PIK3C2A: variants seen among roughly 807,000 people sequenced by gnomAD.
The protein encoded by PIK3C2A is phosphatidylinositol 4-phosphate 3-kinase C2 domain-containing subunit alpha.
In PIK3C2A, 97 loss-of-function variants were observed where a neutral mutation model predicts 204.5. That is an observed-to-expected ratio of 0.47 (90% CI 0.40 to 0.56). The LOEUF is 0.56. Ranked by LOEUF, PIK3C2A falls within the 20% of genes least tolerant of loss-of-function variation. The pLI, the probability that PIK3C2A is intolerant of heterozygous loss-of-function variation, is 0.00. For missense variants in PIK3C2A, 1,735 were observed against 1,969.2 expected (o/e 0.88, Z 2.25); for synonymous variants, 653 against 664.4 (o/e 0.98, Z 0.26).
Position 17,203,332 on chromosome 11 carries a change from GA to G in PIK3C2A, c.-66+4515del, listed in dbSNP as rs994667542. On this transcript the variant is annotated intron_variant, in intron 1 of 32. Coordinates refer to ENST00000691414, the MANE Select transcript of PIK3C2A (RefSeq NM_002645.4). The stretch of plus-strand genomic sequence containing the variant: ...ACATAGTGAGACACCATCTCTATTA[GA>G]AAAAAAAAAGAAGAAAGAAAAAAAG... Among the ~76,000 whole-genome samples the G allele has an allele frequency of 2.6e-3, 334 of 127,036 alleles. 1 individual carries two copies. Among genetic ancestry groups the G allele is most frequent in the African/African-American group, 9.1e-3 (313 of 34,252 alleles). 83.3% of individuals were successfully genotyped at this position (127,036 alleles called of 152,430 possible).
In PIK3C2A at chr11:17,126,057, G is replaced by T. The variant is rs574941192; in HGVS notation, c.2399+3243C>A. ...GAGAATCACTTGAACCTAGGAGGCA[G>T]AGGTTGCAGTGAGCCAAGATCATGC... is the stretch of plus-strand genomic sequence containing the variant. On this transcript the variant is annotated intron_variant, in intron 13 of 32. Transcript: ENST00000691414. 2.0e-5 allele frequency among the ~76,000 whole-genome samples: 3 copies of T among 152,226 alleles called. No homozygotes were observed. The East Asian group carries it at 5.8e-4, about 30-fold the overall frequency.
At chr11:17,107,036 A>G (rs1848843690) in intron 22 of PIK3C2A, among the ~76,000 whole-genome samples, 1 of 152,086 alleles carries the variant, frequency 6.6e-6, no homozygotes, top group Non-Finnish European at 1.5e-5. Context: ...AGTATCTGCC[A>G]GGCGTGGTGG....
chr11:17,091,977 A>AG lies in PIK3C2A; in HGVS notation c.4642+18dup. 1 of 1,522,846 alleles carries AG rather than the reference A, an allele frequency of 6.6e-7. No individual in the cohort carries two copies. Among genetic ancestry groups the AG allele is most frequent in the South Asian group, 1.1e-5 (1 of 89,112 alleles). 94.3% of individuals were successfully genotyped at this position (1,522,846 alleles called of 1,614,324 possible). ...TGCAGATCATGAGTTACCAATAAAG[A>AG]GAAAAAAAATAATCTCACCTGCAGA... On this transcript the variant is annotated intron_variant, in intron 30 of 32. Transcript: ENST00000691414.
chr11:17,115,372 G>GAAAAAAAAAAAAAAAAAAA (rs58726258), intron 19 of PIK3C2A, among the ~76,000 whole-genome samples: 1 of 84,646 alleles, frequency 1.2e-5, no homozygotes, highest in Non-Finnish European at 2.3e-5. Context: ...GTCCCTACAA[G>GAAAAAAAAAAAAAAAAAAA]AAAAAAAAAA....
In PIK3C2A at chr11:17,193,221, C is replaced by T. The variant is rs1852001436; in HGVS notation, c.-66+14627G>A. Among the ~76,000 whole-genome samples the T allele has an allele frequency of 2.6e-5, 4 of 152,286 alleles. No homozygotes were observed. The South Asian group carries it at 8.3e-4, about 32-fold the overall frequency. ...TAAATTTATTTTCTTTATAAAGTAT[C>T]AATCTGTGGTATTGTTACAGCAGCA... On this transcript the variant is annotated intron_variant, in intron 1 of 32. Transcript: ENST00000691414.
At chr11:17,182,725 T>C (rs1565298155) in intron 1 of PIK3C2A, among the ~76,000 whole-genome samples, 1 of 152,176 alleles carries the variant, frequency 6.6e-6, no homozygotes, top group African/African-American at 2.4e-5. Context: ...GGGGAAAGGA[T>C]AAGACTATAA....
At position 17,169,188 on chromosome 11, in the gene PIK3C2A, A is replaced by G; in HGVS notation, c.554T>C (p.Ile185Thr). Reference protein sequence around the residue: ...RMPTFPSTEPIYLSLPGQSPY... With the variant: ...RMPTFPSTEPTYLSLPGQSPY... Reference sequence around the variant, plus strand: ...AGATTGTCCCGGAAGACTTAAATATATAGGTTCTGTAGATGGAAAAGTGGG... The same window carrying G: ...AGATTGTCCCGGAAGACTTAAATATGTAGGTTCTGTAGATGGAAAAGTGGG... The change falls in exon 2 of 33, where the codon ATA becomes ACA. Residue 185 changes from isoleucine (I) to threonine (T), a missense_variant. Around this residue, in one of 6 missense-constraint regions of PIK3C2A, gnomAD observed 536 missense variants for 546.7 expected, o/e 0.98. Coordinates refer to ENST00000691414, the MANE Select transcript of PIK3C2A (RefSeq NM_002645.4). 6.2e-7 allele frequency: 1 copy of G among 1,614,008 alleles called. No homozygotes were observed. Among genetic ancestry groups the G allele is most frequent in the Non-Finnish European group, 8.5e-7 (1 of 1,179,974 alleles).
Position 17,135,017 on chromosome 11 carries a change from G to C in PIK3C2A, c.1910C>G (p.Pro637Arg), listed in dbSNP as rs756529364. 2 of 1,613,578 alleles carry C rather than the reference G, an allele frequency of 1.2e-6. No individual in the cohort carries two copies. The highest frequency in any genetic ancestry group is 1.7e-6 in the Non-Finnish European group (2 of 1,179,724). The change falls in exon 11 of 33, where the codon CCT becomes CGT. Residue 637 changes from proline to arginine, a missense_variant. Coordinates refer to ENST00000691414, the MANE Select transcript of PIK3C2A (RefSeq NM_002645.4). ...SRSSTRGSLN[P>R]ENPVQVSINQ... ...TATGCTTACTTGAACAGGATTTTCA[G>C]GATTAAGTGAGCCTAGATTAAAGAA...
intron 24 of PIK3C2A, among the ~76,000 whole-genome samples, chr11:17,102,067 G>A (rs376138500): frequency 1.9e-4 from 29 of 152,178 alleles, no homozygotes; most frequent in Middle Eastern, 3.4e-3. Context: ...ACTTACTGCC[G>A]TTATACACAC....
chr11:17,138,781 G>C (rs1024665751), intron 8 of PIK3C2A, among the ~76,000 whole-genome samples: 2 of 152,106 alleles, frequency 1.3e-5, no homozygotes, highest in South Asian at 2.1e-4. Flanking sequence ...TGTCACTATA[G>C]GTCCAATAAA....
intron 28 of PIK3C2A, among the ~76,000 whole-genome samples, chr11:17,093,812 T>C (rs1240027862): frequency 1.3e-5 from 2 of 152,022 alleles, no homozygotes; most frequent in African/African-American, 4.8e-5. Flanking sequence ...AATTTTTGTA[T>C]TTTTTATAGA....
At chr11:17,184,802 G>A (rs1249094891) in intron 1 of PIK3C2A, among the ~76,000 whole-genome samples, 1 of 152,104 alleles carries the variant, frequency 6.6e-6, no homozygotes, top group East Asian at 1.9e-4. Flanking sequence ...AATTAGCCGA[G>A]TGTGGTGGCA....
chr11:17,186,866 C>T (rs1378199668), intron 1 of PIK3C2A, among the ~76,000 whole-genome samples: 1 of 152,152 alleles, frequency 6.6e-6, no homozygotes, highest in Non-Finnish European at 1.5e-5. Flanking sequence ...GGAATTGAAG[C>T]CCAGGAGTTC....
chr11:17,152,372 T>C (rs1471038599), intron 3 of PIK3C2A, among the ~76,000 whole-genome samples: 1 of 152,130 alleles, frequency 6.6e-6, no homozygotes, highest in Admixed American at 6.5e-5. Flanking sequence ...TTTATAAAAA[T>C]TGCCAAAAAC....
chr11:17,094,656 A>T (rs766134941), intron 27 of PIK3C2A, among the ~76,000 whole-genome samples: 5 of 152,280 alleles, frequency 3.3e-5, no homozygotes, highest in Middle Eastern at 3.4e-3. Context: ...CCTGGGAGAC[A>T]GAGGTTGCAG....
intron 24 of PIK3C2A, 145 bp from the exon 25 acceptor site, chr11:17,101,579 T>A (rs532481730): frequency 2.3e-6 from 1 of 428,584 alleles, no homozygotes; most frequent in Non-Finnish European, 4.1e-6. Context: ...ATTTCCATAA[T>A]TTTAAAATAA....
intron 1 of PIK3C2A, among the ~76,000 whole-genome samples, chr11:17,205,605 TTTA>T (rs1852543450): frequency 6.6e-6 from 1 of 152,156 alleles, no homozygotes; most frequent in African/African-American, 2.4e-5. Flanking sequence ...TTCAACACTC[TTTA>T]GGTATAAGTT....
At chr11:17,203,590 T>A (rs1160045121) in intron 1 of PIK3C2A, among the ~76,000 whole-genome samples, 1 of 152,196 alleles carries the variant, frequency 6.6e-6, no homozygotes, top group African/African-American at 2.4e-5. Flanking sequence ...TTACAAATTA[T>A]AAATTACCAG....
chr11:17,175,831 G>GA (rs1330855915), intron 1 of PIK3C2A, among the ~76,000 whole-genome samples: 2 of 152,078 alleles, frequency 1.3e-5, no homozygotes, highest in Non-Finnish European at 2.9e-5. Flanking sequence ...CCAGAAAACA[G>GA]AAAAAAGCAA....
Sources: allele counts gnomAD v4.1 joint callset (sites outside exome capture counted in the v4.1 genomes callset), GRCh38; gene constraint gnomAD v4.1.1; regional missense constraint gnomAD v4.1.1; transcripts MANE v1.5; gene names NCBI Gene and HGNC (gene_info 2026-07-23, HGNC 2026-07-21).